The following PTPRN2 variants were observed in gnomAD, a reference collection of about 807,000 sequenced individuals.
PTPRN2 encodes protein tyrosine phosphatase receptor type N2, also known as receptor-type tyrosine-protein phosphatase N2.
A neutral mutation model predicts 118.8 loss-of-function variants in PTPRN2; 74 were observed. That is an observed-to-expected ratio of 0.62 (90% CI 0.52 to 0.76). The LOEUF (loss-of-function observed/expected upper bound fraction) is 0.76. PTPRN2 is among the 30% of genes least tolerant of loss of function. PTPRN2 has a pLI of 0.00. For missense variants in PTPRN2, 1,481 were observed against 1,394.4 expected (o/e 1.06, Z -0.99); for synonymous variants, 641 against 608.0 (o/e 1.05, Z -0.80).
At chr7:158,441,562 A>C (rs1442014437) in intron 2 of PTPRN2, among the ~76,000 whole-genome samples, 4 of 137,506 alleles carry the variant, frequency 2.9e-5, no homozygotes, top group Non-Finnish European at 6.1e-5. Context: ...AGTGATAGTG[A>C]TAGTGATGGT....
intron 12 of PTPRN2, among the ~76,000 whole-genome samples, chr7:157,830,526 C>A (rs972271932): frequency 7.2e-5 from 11 of 152,002 alleles, no homozygotes; most frequent in Non-Finnish European, 1.6e-4. Flanking sequence ...GACCGTGCAC[C>A]TGCTGTGGCC....
At chr7:157,742,964 G>A (rs1419489191) in intron 12 of PTPRN2, among the ~76,000 whole-genome samples, 2 of 152,188 alleles carry the variant, frequency 1.3e-5, no homozygotes, top group Non-Finnish European at 2.9e-5. Context: ...TTGCATGAAC[G>A]TGATGCATGA....
chr7:157,957,609 G>C (rs1412178267), intron 11 of PTPRN2, among the ~76,000 whole-genome samples: 1 of 152,052 alleles, frequency 6.6e-6, no homozygotes, highest in Non-Finnish European at 1.5e-5. Context: ...TTATAAGTGA[G>C]TGTGATGAGC....
chr7:158,323,755 C>T (rs1803227574), intron 2 of PTPRN2, among the ~76,000 whole-genome samples: 1 of 152,160 alleles, frequency 6.6e-6, no homozygotes, highest in Non-Finnish European at 1.5e-5. Context: ...CAGGCCTCCT[C>T]CAGGACCAAG....
intron 1 of PTPRN2, among the ~76,000 whole-genome samples, chr7:158,516,425 T>C (rs1563381165): frequency 6.6e-6 from 1 of 152,236 alleles, no homozygotes; most frequent in Non-Finnish European, 1.5e-5. Context: ...TGCTTTCCCC[T>C]TGTTCCTTCC....
chr7:158,149,371 C>A (rs1052263059), intron 6 of PTPRN2, among the ~76,000 whole-genome samples: 1 of 151,852 alleles, frequency 6.6e-6, no homozygotes, highest in Non-Finnish European at 1.5e-5. Context: ...AAACTTAAAT[C>A]TAACCAGTGT....
At chr7:158,261,689 G>T (rs887596707) in intron 3 of PTPRN2, among the ~76,000 whole-genome samples, 1 of 152,142 alleles carries the variant, frequency 6.6e-6, no homozygotes, top group Non-Finnish European at 1.5e-5. Flanking sequence ...AGCACACATG[G>T]GTCCCTGTCT....
At chr7:158,388,138 G>A (rs532275816) in intron 2 of PTPRN2, among the ~76,000 whole-genome samples, 35 of 152,044 alleles carry the variant, frequency 2.3e-4, no homozygotes, top group South Asian at 8.3e-4. Context: ...CCCCTGTGTC[G>A]GCTTCACTCT....
rs78235044 is a variant in PTPRN2, at chr7:157,902,696, A to G, written c.1724-3959T>C. 9.7e-3 allele frequency among the ~76,000 whole-genome samples: 1,480 copies of G among 152,272 alleles called. 10 individuals are homozygous for G. Among genetic ancestry groups the G allele is most frequent in the Non-Finnish European group, 0.017 (1,141 of 68,018 alleles). ...GATTCTTTAACCCATTGATCACTAA[A>G]ACTCCTTTTAGATGCCGATGCGAGA... On this transcript the variant is annotated intron_variant, in intron 11 of 22. Coordinates refer to ENST00000389418, the MANE Select transcript of PTPRN2 (RefSeq NM_002847.5).
Position 157,764,331 on chromosome 7 carries a change from C to T in PTPRN2, c.1789-81394G>A, listed in dbSNP as rs1796255. Among the ~76,000 whole-genome samples, 47,957 of 152,106 alleles carry T rather than the reference C, an allele frequency of 0.32. 9,714 individuals carry two copies. Among genetic ancestry groups the T allele is most frequent in the African/African-American group, 0.57 (23,583 of 41,480 alleles). The stretch of plus-strand genomic sequence containing the variant: ...AAGCCAAGAGGTGAGGCCACCCAAG[C>T]GTCCACCAATGGAAGAAAAGATAAA... On this transcript the variant is annotated intron_variant, in intron 12 of 22. Transcript: ENST00000389418. This position sits in a 1 kb window ranked among gnomAD's most constrained non-coding sequence, Gnocchi z 4.5.
intron 2 of PTPRN2, among the ~76,000 whole-genome samples, chr7:158,488,394 C>G (rs1017287557): frequency 7.9e-5 from 12 of 152,164 alleles, no homozygotes; most frequent in Non-Finnish European, 1.8e-4. Flanking sequence ...CAGAAGCTGC[C>G]GCCGCTGAGG....
chr7:158,007,789 TGTGG>T (rs1338803929), intron 11 of PTPRN2, among the ~76,000 whole-genome samples: 1 of 139,726 alleles, frequency 7.2e-6, no homozygotes, highest in African/African-American at 2.7e-5. Context: ...TGTGGCTGTG[TGTGG>T]GTGGGTGTGC....
intron 2 of PTPRN2, among the ~76,000 whole-genome samples, chr7:158,343,948 G>A (rs992000890): frequency 1.3e-5 from 2 of 152,150 alleles, no homozygotes; most frequent in Non-Finnish European, 2.9e-5. Flanking sequence ...AGCTCCCAAA[G>A]AAGACCAGTG....
chr7:157,735,782 C>A (rs1360256285), intron 12 of PTPRN2, among the ~76,000 whole-genome samples: 1 of 152,036 alleles, frequency 6.6e-6, no homozygotes, highest in African/African-American at 2.4e-5. Flanking sequence ...CAGGTGGGCG[C>A]CTTTGGTCCC....
intron 15 of PTPRN2, among the ~76,000 whole-genome samples, chr7:157,605,278 G>T (rs920381969): frequency 2.6e-5 from 4 of 152,254 alleles, no homozygotes; most frequent in Non-Finnish European, 5.9e-5. Flanking sequence ...TCTCTGTGAG[G>T]CTGCGGCCAG....
At chr7:158,231,087 T>A (rs1280583862) in intron 3 of PTPRN2, among the ~76,000 whole-genome samples, 1 of 152,094 alleles carries the variant, frequency 6.6e-6, no homozygotes. Flanking sequence ...GGCAATACAG[T>A]GAGACTCCAT....
chr7:158,153,345 T>A (rs895473939), intron 6 of PTPRN2, among the ~76,000 whole-genome samples: 2 of 152,182 alleles, frequency 1.3e-5, no homozygotes, highest in African/African-American at 2.4e-5. Flanking sequence ...GTCCTTGTGA[T>A]AAGGAAGGGG....
At chr7:157,728,382 G>T (rs1314769561) in intron 12 of PTPRN2, among the ~76,000 whole-genome samples, 1 of 152,260 alleles carries the variant, frequency 6.6e-6, no homozygotes, top group East Asian at 1.9e-4. Context: ...CACAGCATCT[G>T]CGTCGGTGCC....
chr7:158,193,260 T>C (rs1477767974), intron 4 of PTPRN2, among the ~76,000 whole-genome samples: 2 of 152,110 alleles, frequency 1.3e-5, no homozygotes, highest in Non-Finnish European at 2.9e-5. Flanking sequence ...AGGGGCCCCA[T>C]GGGACAGCTG....
Sources: allele counts gnomAD v4.1 joint callset (sites outside exome capture counted in the v4.1 genomes callset), GRCh38; gene constraint gnomAD v4.1.1; non-coding constraint Gnocchi (gnomAD v3.1); transcripts MANE v1.5; gene names NCBI Gene and HGNC (gene_info 2026-07-23, HGNC 2026-07-21).